C17orf50: variants seen among roughly 807,000 people sequenced by gnomAD.
The protein encoded by C17orf50 is plakoglobin binding and degradation factor.
C17orf50 carries 16 observed loss-of-function variants against 17.7 expected under a neutral mutation model. That is an observed-to-expected ratio of 0.90 (90% confidence interval 0.61 to 1.37). C17orf50 has a LOEUF of 1.37. C17orf50 is among the 40% of genes most tolerant of loss of function. C17orf50 has a pLI of 0.00. For synonymous variants in C17orf50, 125 were observed against 111.0 expected, an observed-to-expected ratio of 1.13 and a Z score of -0.80; for missense variants, 271 against 240.7, an observed-to-expected ratio of 1.13 and a Z score of -0.83.
chr17:35,762,483 A>T (rs79277945), intron 1 of C17orf50, among the ~76,000 whole-genome samples: 9,000 of 152,188 alleles, frequency 0.059, 335 homozygotes, highest in South Asian at 0.18. Flanking sequence ...TCAGCCCAGG[A>T]ACTTTCTGCT....
chr17:35,763,897 A>AAAAAAAAT (rs373521587), intron 1 of C17orf50, 110 bp from the exon 2 acceptor site: 11 of 654,402 alleles, frequency 1.7e-5, no homozygotes, highest in African/African-American at 1.6e-4. Context: ...ACCCTGTCTC[A>AAAAAAAAT]AAATAAATAA....
chr17:35,764,334 G>C lies in C17orf50; in HGVS notation c.332+9G>C. On this transcript the variant is annotated intron_variant, in intron 2 of 2. Transcript: ENST00000605587. ...ACAGCTCCCACCGACAGGTGCCTGCGCGCTCCTCGACCGGGGCACGAGGGA... is the reference window on the plus strand; with the variant it reads ...ACAGCTCCCACCGACAGGTGCCTGCCCGCTCCTCGACCGGGGCACGAGGGA... 6.8e-7 allele frequency: 1 copy of C among 1,466,422 alleles called. No individual in the cohort carries two copies. The highest frequency in any genetic ancestry group is 2.6e-5 in the East Asian group (1 of 37,878). The allele number at this position is 1,466,422 out of a possible 1,614,324, so 90.8% of individuals were successfully genotyped here. A position where few individuals can be genotyped will look rare whatever the true frequency, so the allele number is the denominator to read the frequency against.
chr17:35,764,417 C>G lies in C17orf50; in HGVS notation c.333-9C>G. The G allele has an allele frequency of 2.6e-6, 4 of 1,525,692 alleles. No individual in the cohort carries two copies. Among genetic ancestry groups the G allele is most frequent in the Non-Finnish European group, 3.5e-6 (4 of 1,139,172 alleles). The allele number at this position is 1,525,692 out of a possible 1,614,324, so 94.5% of individuals were successfully genotyped here. On this transcript the variant is annotated splice_polypyrimidine_tract_variant and intron_variant, in intron 2 of 2. Transcript: ENST00000605587. ...CCCCAGGCACTGAGCGCCTGGTCCC[C>G]GCCGGCAGGAAGCGGAGCCTCCCGG... is the stretch of plus-strand genomic sequence containing the variant.
Position 35,764,475 on chromosome 17 carries a change from C to T in C17orf50, c.382C>T (p.Pro128Ser), listed in dbSNP as rs587655331. The T allele has an allele frequency of 2.6e-6, 4 of 1,566,650 alleles. No individual in the cohort carries two copies. In the African/African-American group the frequency reaches 4.1e-5, roughly 16 times the overall value. The change falls in exon 3 of 3, where the codon CCG becomes TCG. Residue 128 changes from proline to serine, a missense_variant. Coordinates refer to ENST00000605587, the MANE Select transcript of C17orf50 (RefSeq NM_145272.4). ...GTGCGTGCTGGAGATCCGGCGACGA[C>T]CGCCGCGCCGCGGGGGCTGTGCTTG... ...EPCVLEIRRR[P>S]PRRGGCACCE...
At chr17:35,761,420 T>G (rs1408325759) in intron 1 of C17orf50, among the ~76,000 whole-genome samples, 2 of 134,278 alleles carry the variant, frequency 1.5e-5, no homozygotes. Flanking sequence ...CTGTTTTTTG[T>G]TTTTTTTTTT....
At chr17:35,763,066 G>A (rs1331595148) in intron 1 of C17orf50, among the ~76,000 whole-genome samples, 2 of 150,820 alleles carry the variant, frequency 1.3e-5, no homozygotes, top group Middle Eastern at 3.5e-3. Context: ...AGCTTGCAGT[G>A]AGCCGAGATG....
rs781842033 is a variant in C17orf50, at chr17:35,764,600, G to T, written c.507G>T (p.Gly169=). 3 of 1,586,660 alleles carry T rather than the reference G, an allele frequency of 1.9e-6. No homozygotes were observed. In the African/African-American group the frequency reaches 4.2e-5, roughly 22 times the overall value. The change falls in exon 3 of 3, where the codon GGG becomes GGT. Residue 169 remains glycine (G), a synonymous_variant. Transcript: ENST00000605587. ...ATCACCCGGATCTGGGTAAGGCGGGGGCCGCTGGGAACTCCTGAGCGCCCC... is the reference window on the plus strand; with the variant it reads ...ATCACCCGGATCTGGGTAAGGCGGGTGCCGCTGGGAACTCCTGAGCGCCCC... ...VLDHPDLGKA[G]AAGNS
Position 35,764,639 on chromosome 17 carries a change from T to C in C17orf50, c.*21T>C. The C allele has an allele frequency of 6.4e-7, 1 of 1,551,632 alleles. No homozygotes were observed. The highest frequency in any genetic ancestry group is 8.6e-7 in the Non-Finnish European group (1 of 1,158,254). On this transcript the variant is annotated 3_prime_UTR_variant, in exon 3 of 3. Transcript: ENST00000605587. ...CCTGAGCGCCCCCGCTCCCAGCCTT[T>C]GTGCCCTCCATCATTTCCTGGCCCC...
rs1192703901 is a variant in C17orf50 at position 35,764,529 on chromosome 17, A to T, written c.436A>T (p.Arg146Trp). Residue 146 changes from arginine to tryptophan, a missense_variant, in exon 3 of 3, where the codon AGG (arginine) becomes TGG (tryptophan). Coordinates refer to ENST00000605587, the MANE Select transcript of C17orf50 (RefSeq NM_145272.4). Reference sequence around the variant, plus strand: ...CGAGCTCCTCTTCTGCAAGAAATGCAGGAGTCTGCACAGCCACCCAGCCTA... The same window carrying T: ...CGAGCTCCTCTTCTGCAAGAAATGCTGGAGTCTGCACAGCCACCCAGCCTA... The part of the protein sequence containing the change: ...CCELLFCKKC[R>W]SLHSHPAYVA... 2.5e-6 allele frequency: 4 copies of T among 1,600,046 alleles called. No individual in the cohort carries two copies. Among genetic ancestry groups the T allele is most frequent in the Non-Finnish European group, 3.4e-6 (4 of 1,175,788 alleles).
At chr17:35,763,172 G>T (rs2085858685) in intron 1 of C17orf50, among the ~76,000 whole-genome samples, 1 of 151,980 alleles carries the variant, frequency 6.6e-6, no homozygotes, top group Admixed American at 6.6e-5. Context: ...GCGGCTCGTG[G>T]CTGTGATCCC....
At position 35,764,727 on chromosome 17, in the gene C17orf50, G is replaced by C; in HGVS notation, c.*109G>C. The C allele has an allele frequency of 2.4e-6, 3 of 1,254,208 alleles. No homozygotes were observed. The highest frequency in any genetic ancestry group is 3.2e-6 in the Non-Finnish European group (3 of 937,482). 77.7% of individuals were successfully genotyped at this position (1,254,208 alleles called of 1,614,324 possible). On this transcript the variant is annotated 3_prime_UTR_variant, in exon 3 of 3. Coordinates refer to ENST00000605587, the MANE Select transcript of C17orf50 (RefSeq NM_145272.4). ...CCTCTTCGACGCATTCCGCAGGACC[G>C]CCCCTTCTCAGCTGCTGCCCAGAGC...
chr17:35,764,095 C>T lies in C17orf50; in HGVS notation c.102C>T (p.Asp34=). ...AGGAAGGGAAGGAGGGGTCGGAGGACGAGGACGAGGACAACCAGAGGCCGC... is the reference window on the plus strand; with the variant it reads ...AGGAAGGGAAGGAGGGGTCGGAGGATGAGGACGAGGACAACCAGAGGCCGC... ...EQEEGKEGSE[D]EDEDNQRPLE... The change falls in exon 2 of 3, where the codon GAC becomes GAT. Residue 34 remains aspartate (D), a synonymous_variant. Transcript: ENST00000605587. The T allele has an allele frequency of 1.3e-6, 2 of 1,549,912 alleles. No homozygotes were observed. The highest frequency in any genetic ancestry group is 1.7e-6 in the Non-Finnish European group (2 of 1,146,614).
At position 35,764,214 on chromosome 17, in the gene C17orf50, G is replaced by C; in HGVS notation, c.221G>C (p.Arg74Pro). The C allele has an allele frequency of 6.5e-7, 1 of 1,547,276 alleles. No homozygotes were observed. Among genetic ancestry groups the C allele is most frequent in the Non-Finnish European group, 8.7e-7 (1 of 1,146,388 alleles). The change falls in exon 2 of 3, where the codon CGC (arginine) becomes CCC (proline). Residue 74 changes from arginine to proline, a missense_variant. Transcript: ENST00000605587. ...ERRSVSYCPL[R>P]QESSTQQVAL... ...CGCTCAGTGTCCTACTGCCCGCTGC[G>C]CCAGGAGTCCAGCACCCAGCAGGTG...
At position 35,764,826 on chromosome 17, in the gene C17orf50, C is replaced by T. The variant is rs2085903563; in HGVS notation, c.*208C>T. 1 of 526,340 alleles carries T rather than the reference C, an allele frequency of 1.9e-6. No homozygotes were observed. The allele number at this position is 526,340 out of a possible 1,614,324, so 32.6% of individuals were successfully genotyped here. ...TCACCTAGCGCCCCCAGTGCAGAGCCCAGCATAACCTAGAGCCCGCTGTCA... is the reference window on the plus strand; with the variant it reads ...TCACCTAGCGCCCCCAGTGCAGAGCTCAGCATAACCTAGAGCCCGCTGTCA... On this transcript the variant is annotated 3_prime_UTR_variant, in exon 3 of 3. Transcript: ENST00000605587.
intron 1 of C17orf50, among the ~76,000 whole-genome samples, chr17:35,763,364 C>T (rs1283797761): frequency 6.6e-6 from 1 of 151,224 alleles, no homozygotes; most frequent in African/African-American, 2.4e-5. Flanking sequence ...ATAGCCTCGA[C>T]TTCCCTAGCT....
rs1555601393 is a variant in C17orf50, at chr17:35,760,990, C to T, written c.13+36C>T. The T allele has an allele frequency of 5.0e-6, 8 of 1,602,392 alleles. No homozygotes were observed. The Admixed American group carries it at 6.8e-5, about 14-fold the overall frequency. On this transcript the variant is annotated intron_variant, in intron 1 of 2. Coordinates refer to ENST00000605587, the MANE Select transcript of C17orf50 (RefSeq NM_145272.4). ...CTGGAGGCAGGGTGGGGCTGGAGGA[C>T]AGGACCTCTTGACCCTAGCTTGGAC... is the stretch of plus-strand genomic sequence containing the variant.
chr17:35,763,821 C>G (rs1358961062), intron 1 of C17orf50, among the ~76,000 whole-genome samples, 186 bp from the exon 2 acceptor site: 2 of 151,654 alleles, frequency 1.3e-5, no homozygotes, highest in African/African-American at 4.8e-5. Flanking sequence ...CGCTTGAGCC[C>G]GTGAGGCGGA....
intron 1 of C17orf50, among the ~76,000 whole-genome samples, chr17:35,762,098 C>A (rs1277707543): frequency 6.6e-6 from 1 of 152,116 alleles, no homozygotes; most frequent in Non-Finnish European, 1.5e-5. Context: ...TCAAGCGATT[C>A]TCCTGCCTCA....
Position 35,764,622 on chromosome 17 carries a change from C to G in C17orf50, c.*4C>G. On this transcript the variant is annotated 3_prime_UTR_variant, in exon 3 of 3. Transcript: ENST00000605587. ...GGGGGCCGCTGGGAACTCCTGAGCG[C>G]CCCCGCTCCCAGCCTTTGTGCCCTC... is the stretch of plus-strand genomic sequence containing the variant. 1 of 1,573,954 alleles carries G rather than the reference C, an allele frequency of 6.4e-7. No homozygotes were observed. Among genetic ancestry groups the G allele is most frequent in the South Asian group, 1.2e-5 (1 of 86,008 alleles).
Sources: allele counts gnomAD v4.1 joint callset (sites outside exome capture counted in the v4.1 genomes callset), GRCh38; gene constraint gnomAD v4.1.1; transcripts MANE v1.5; gene names NCBI Gene and HGNC (gene_info 2026-07-23, HGNC 2026-07-21).